Variants in SCNN1D observed in about 807,000 individuals in gnomAD.
The protein encoded by SCNN1D is epithelial sodium channel subunit delta.
In SCNN1D, 104 loss-of-function variants were observed where a neutral mutation model predicts 87.8. The observed-to-expected ratio is 1.18, with a 90% CI of 1.01 to 1.39. SCNN1D has a LOEUF of 1.39. Among genes scored for constraint, SCNN1D ranks in the 40% most tolerant of loss-of-function variants. The pLI, the probability that SCNN1D is intolerant of heterozygous loss-of-function variation, is 0.00. For synonymous variants in SCNN1D, 628 were observed against 481.2 expected (o/e 1.31, Z -3.99); for missense variants, 1,324 against 1,093.9 (o/e 1.21, Z -2.97).
At position 1,290,369 on chromosome 1, in the gene SCNN1D, TG is replaced by T. The variant is rs1640761242; in HGVS notation, c.1762del (p.Ala588ProfsTer59). On this transcript the variant is annotated frameshift_variant, in exon 13 of 18. Coordinates refer to ENST00000379116, the MANE Select transcript of SCNN1D (RefSeq NM_001130413.4). LOFTEE classifies it high-confidence loss of function. ...LPAGAEYCSS[A>X]RHPAWGHCFY... The stretch of plus-strand genomic sequence containing the variant: ...CGGCGGGGGCTGAGTACTGCAGCTC[TG>T]CCCGGCACCCTGCCTGGGGTGAGTC... The T allele has an allele frequency of 6.2e-7, 1 of 1,600,636 alleles. No homozygotes were observed. Among genetic ancestry groups the T allele is most frequent in the Admixed American group, 1.7e-5 (1 of 59,448 alleles).
At position 1,288,307 on chromosome 1, in the gene SCNN1D, C is replaced by T. The variant is rs1192194301; in HGVS notation, c.1662+270C>T. On this transcript the variant is annotated intron_variant, in intron 12 of 17. Coordinates refer to ENST00000379116, the MANE Select transcript of SCNN1D (RefSeq NM_001130413.4). ...TCTCTGCTCCGTCCCGTGTCTGCTCCGTCCCGTGTCCCTGCTCCGTCCCGT... is the reference window on the plus strand; with the variant it reads ...TCTCTGCTCCGTCCCGTGTCTGCTCTGTCCCGTGTCCCTGCTCCGTCCCGT... Among the ~76,000 whole-genome samples, 32 of 68,578 alleles carry T rather than the reference C, an allele frequency of 4.7e-4. 3 individuals are homozygous for T. Among genetic ancestry groups the T allele is most frequent in the South Asian group, 1.8e-3 (2 of 1,114 alleles). The allele number at this position is 68,578 out of a possible 152,430, so 45.0% of individuals were successfully genotyped here.
At chr1:1,282,077 G>T (rs764274848) in intron 3 of SCNN1D, 165 bp from the exon 4 acceptor site, 63 of 620,460 alleles carry the variant, frequency 1.0e-4, no homozygotes, top group Non-Finnish European at 1.8e-4. Flanking sequence ...GCTGTGTCCG[G>T]GGGCCCTGCC....
Position 1,280,559 on chromosome 1 carries a change from C to T in SCNN1D, c.-103C>T. ...GAAGGTCTTATCGCAGATGAAGCCACCAGGTCACAAGCCTCAGAGAGAATC... is the reference window on the plus strand; with the variant it reads ...GAAGGTCTTATCGCAGATGAAGCCATCAGGTCACAAGCCTCAGAGAGAATC... On this transcript the variant is annotated 5_prime_UTR_variant, in exon 1 of 18. Transcript: ENST00000379116. 1.5e-6 allele frequency: 1 copy of T among 665,074 alleles called. No homozygotes were observed. The highest frequency in any genetic ancestry group is 2.8e-6 in the Non-Finnish European group (1 of 357,498). 41.2% of individuals were successfully genotyped at this position (665,074 alleles called of 1,614,324 possible).
In SCNN1D at chr1:1,290,909, C is replaced by T. The variant is rs1038759618; in HGVS notation, c.1932C>T (p.Ala644=). The T allele has an allele frequency of 6.2e-7, 1 of 1,610,058 alleles. No individual in the cohort carries two copies. The highest frequency in any genetic ancestry group is 1.7e-5 in the Admixed American group (1 of 59,742). ...PSAKSAGWTL[A]TLGEQGLPHQ... ...TCCGTCTGCAGGGATGGACTCTGGC[C>T]ACGCTAGGTGAACAGGGGCTGCCGC... Residue 644 remains alanine (A), a synonymous_variant, in exon 16 of 18, where the codon GCC becomes GCT. Transcript: ENST00000379116.
In SCNN1D at chr1:1,287,802, G is replaced by A. The variant is rs759687279; in HGVS notation, c.1529G>A (p.Arg510Gln). ...PFLGHHSFSV[R>Q]PGTEATISIR... ...CTGGGGCACCACAGCTTCAGCGTCCGGCCAGGGACGGAGGCCACCATCAGC... is the reference window on the plus strand; with the variant it reads ...CTGGGGCACCACAGCTTCAGCGTCCAGCCAGGGACGGAGGCCACCATCAGC... Residue 510 changes from arginine to glutamine, a missense_variant, in exon 11 of 18, where the codon CGG (arginine) becomes CAG (glutamine). Physicochemically the swap from Arg to Gln is conservative, Grantham distance 43. Coordinates refer to ENST00000379116, the MANE Select transcript of SCNN1D (RefSeq NM_001130413.4). 1.3e-5 allele frequency: 20 copies of A among 1,576,080 alleles called. 1 individual carries two copies. The highest frequency in any genetic ancestry group is 3.6e-5 in the Admixed American group (2 of 55,028).
At chr1:1,290,421 G>A (rs758059357) in intron 13 of SCNN1D, 33 bp downstream of exon 13, 7 of 1,609,872 alleles carry the variant, frequency 4.3e-6, no homozygotes, top group Admixed American at 1.7e-5. Context: ...CACTCTGTCA[G>A]CCATTAGCCG....
intron 4 of SCNN1D, among the ~76,000 whole-genome samples, chr1:1,283,339 G>T (rs1270142340): frequency 6.6e-6 from 1 of 152,220 alleles, no homozygotes; most frequent in Non-Finnish European, 1.5e-5. Context: ...GTCAGCCAGG[G>T]AAGGGAGGGA....
Position 1,291,558 on chromosome 1 carries a change from C to T in SCNN1D, c.2357C>T (p.Ser786Leu). 1 of 1,589,858 alleles carries T rather than the reference C, an allele frequency of 6.3e-7. No homozygotes were observed. Among genetic ancestry groups the T allele is most frequent in the Admixed American group, 1.7e-5 (1 of 57,938 alleles). Residue 786 changes from serine to leucine, a missense_variant, in exon 18 of 18, where the codon TCA (serine) becomes TTA (leucine). By Grantham distance (145) the Ser-to-Leu change is moderately radical. Coordinates refer to ENST00000379116, the MANE Select transcript of SCNN1D (RefSeq NM_001130413.4). Reference sequence around the variant, plus strand: ...CTTCCAGGGGTTCTGGCGGGAGTCTCAGCCGAAGAGAGCTGGGCTGGGCCC... The same window carrying T: ...CTTCCAGGGGTTCTGGCGGGAGTCTTAGCCGAAGAGAGCTGGGCTGGGCCC... ...VMLPGVLAGV[S>L]AEESWAGPQP...
In SCNN1D at chr1:1,287,612, T is replaced by C; in HGVS notation, c.1399+16T>C. ...ATCACCCACGGTGGGTGCCAGCCCC[T>C]GGCCGGTGCGGGGGCAGGGGTGCAG... is the stretch of plus-strand genomic sequence containing the variant. On this transcript the variant is annotated intron_variant, in intron 10 of 17. Coordinates refer to ENST00000379116, the MANE Select transcript of SCNN1D (RefSeq NM_001130413.4). The C allele has an allele frequency of 3.7e-6, 6 of 1,608,188 alleles. No homozygotes were observed. The highest frequency in any genetic ancestry group is 5.1e-6 in the Non-Finnish European group (6 of 1,176,886).
At position 1,291,428 on chromosome 1, in the gene SCNN1D, T is replaced by G. The variant is rs1176186116; in HGVS notation, c.2227T>G (p.Ser743Ala). ...WFSWPRASPA[S>A]GASSIKPEAS... ...CTCCTGGCCCAGAGCCAGCCCTGCC[T>G]CAGGGGCGTCCAGCATCAAGCCAGA... The change falls in exon 18 of 18, where the codon TCA becomes GCA. Residue 743 changes from serine to alanine, a missense_variant. Physicochemically the swap from Ser to Ala is moderately conservative, Grantham distance 99. Coordinates refer to ENST00000379116, the MANE Select transcript of SCNN1D (RefSeq NM_001130413.4). 6.2e-7 allele frequency: 1 copy of G among 1,607,092 alleles called. No homozygotes were observed. The highest frequency in any genetic ancestry group is 1.3e-5 in the African/African-American group (1 of 74,766).
At chr1:1,288,501 CT>C (rs1398008107) in intron 12 of SCNN1D, among the ~76,000 whole-genome samples, 1 of 121,708 alleles carries the variant, frequency 8.2e-6, no homozygotes, top group Non-Finnish European at 1.7e-5. Flanking sequence ...CGTCCCGTGT[CT>C]CTGCCCCGTC....
intron 12 of SCNN1D, among the ~76,000 whole-genome samples, chr1:1,288,238 C>T (rs1420671029): frequency 2.1e-4 from 24 of 116,650 alleles, no homozygotes; most frequent in African/African-American, 8.4e-4. Context: ...TCTGCTCCGT[C>T]CCGTGTCTCT....
intron 4 of SCNN1D, 108 bp downstream of exon 4, chr1:1,282,423 A>G: frequency 7.8e-7 from 1 of 1,283,200 alleles, no homozygotes; most frequent in South Asian, 1.4e-5. Flanking sequence ...GCAGGATGTC[A>G]GGAACACAGA....
At chr1:1,290,796 G>T in intron 15 of SCNN1D, 99 bp from the exon 16 acceptor site, 1 of 1,581,226 alleles carries the variant, frequency 6.3e-7, no homozygotes, top group Non-Finnish European at 8.6e-7. Flanking sequence ...AACTGACCCA[G>T]CCTATGCCCC....
rs376066465 is a variant in SCNN1D at position 1,287,902 on chromosome 1, A to G, written c.1564-37A>G. 77 of 1,520,734 alleles carry G rather than the reference A, an allele frequency of 5.1e-5. 1 individual carries two copies. The African/African-American group carries it at 6.9e-4, about 14-fold the overall frequency. 94.2% of individuals were successfully genotyped at this position (1,520,734 alleles called of 1,614,324 possible). The stretch of plus-strand genomic sequence containing the variant: ...TGCCCAACCTGGGCTTTGGGGGGTG[A>G]GGGCAGGGCCCATGGAACTGAAGCG... On this transcript the variant is annotated intron_variant, in intron 11 of 17. Coordinates refer to ENST00000379116, the MANE Select transcript of SCNN1D (RefSeq NM_001130413.4).
At position 1,285,574 on chromosome 1, in the gene SCNN1D, G is replaced by A. The variant is rs12751100; in HGVS notation, c.468G>A (p.Ser156=). The part of the protein sequence containing the change: ...QPHGGALTSR[S]PGPVAPQRPC... Reference sequence around the variant, plus strand: ...TACCGTACTTGCCTTTGGGTAGATCGCCTGGGCCTGTGGCTCCCCAGAGGC... The same window carrying A: ...TACCGTACTTGCCTTTGGGTAGATCACCTGGGCCTGTGGCTCCCCAGAGGC... The change falls in exon 6 of 18, where the codon TCG becomes TCA. Residue 156 remains serine (S), a synonymous_variant. Transcript: ENST00000379116. 0.11 allele frequency: 164,269 copies of A among 1,528,306 alleles called. 32,492 individuals carry two copies. Among genetic ancestry groups the A allele is most frequent in the African/African-American group, 0.63 (45,504 of 72,132 alleles). The allele number at this position is 1,528,306 out of a possible 1,614,324, so 94.7% of individuals were successfully genotyped here.
intron 4 of SCNN1D, 60 bp downstream of exon 4, chr1:1,282,375 C>G (rs1265550319): frequency 1.5e-5 from 23 of 1,533,372 alleles, no homozygotes; most frequent in Non-Finnish European, 2.0e-5. Flanking sequence ...TGGGGCTGGG[C>G]TCCCCCAGCC....
intron 5 of SCNN1D, 42 bp from the exon 6 acceptor site, chr1:1,285,529 C>A: frequency 7.5e-7 from 1 of 1,327,962 alleles, no homozygotes; most frequent in Non-Finnish European, 1.0e-6. Flanking sequence ...CCAGACCCCA[C>A]GCGGGGCGCA....
chr1:1,290,460 T>C lies in SCNN1D; in HGVS notation c.1781-17T>C, dbSNP rs745525950. On this transcript the variant is annotated splice_polypyrimidine_tract_variant and intron_variant, in intron 13 of 17. Coordinates refer to ENST00000379116, the MANE Select transcript of SCNN1D (RefSeq NM_001130413.4). ...GGTCACAGCGAGCCTCACACATGCC[T>C]CTGACCCCTCCCCAAGGACACTGCT... The C allele has an allele frequency of 1.2e-6, 2 of 1,612,586 alleles. No homozygotes were observed. Among genetic ancestry groups the C allele is most frequent in the South Asian group, 1.1e-5 (1 of 91,084 alleles).
Sources: allele counts gnomAD v4.1 joint callset (sites outside exome capture counted in the v4.1 genomes callset), GRCh38; gene constraint gnomAD v4.1.1; transcripts MANE v1.5; gene names NCBI Gene and HGNC (gene_info 2026-07-23, HGNC 2026-07-21).